The following GLI3 variants were observed in gnomAD, a reference collection of about 807,000 sequenced individuals.
GLI3 encodes GLI family zinc finger 3.
In GLI3, 20 loss-of-function variants were observed where a neutral mutation model predicts 100.8. The observed-to-expected ratio is 0.20, with a 90% CI of 0.14 to 0.29. The LOEUF is 0.29. Among genes scored for constraint, GLI3 ranks in the 10% least tolerant of loss-of-function variants. The pLI is 1.00. For missense variants in GLI3, 2,040 were observed against 2,128.5 expected (o/e 0.96, Z 0.82); for synonymous variants, 938 against 860.5 (o/e 1.09, Z -1.58).
At chr7:42,257,635 T>C (rs7795866) in intron 1 of GLI3, among the ~76,000 whole-genome samples, 22,323 of 152,090 alleles carry the variant, frequency 0.15, 2,996 homozygotes, top group African/African-American at 0.36. Context: ...TGAGCCACCG[T>C]GCACGTCCCA....
At chr7:42,059,604 C>CT (rs1784528100) in intron 4 of GLI3, among the ~76,000 whole-genome samples, 1 of 152,186 alleles carries the variant, frequency 6.6e-6, no homozygotes, top group South Asian at 2.1e-4. Flanking sequence ...AAACAGCTGT[C>CT]GCTGTCAAAA....
chr7:42,025,669 T>C (rs1789091611), intron 8 of GLI3, among the ~76,000 whole-genome samples: 1 of 152,142 alleles, frequency 6.6e-6, no homozygotes, highest in South Asian at 2.1e-4. Context: ...TCCAACAGGG[T>C]ATTTCAAAAG....
upstream of GLI3, among the ~76,000 whole-genome samples, chr7:42,238,021 T>TCCTTCTCCTCCTCCTCCTCCTCCTCCG (rs1788864465): frequency 7.6e-6 from 1 of 131,248 alleles, no homozygotes; most frequent in East Asian, 2.1e-4. Flanking sequence ...CTCCTCCTCC[T>TCCTTCTCCTCCTCCTCCTCCTCCTCCG]CCTTCTCCTC....
At position 42,026,206 on chromosome 7, in the gene GLI3, G is replaced by A. The variant is rs913141140; in HGVS notation, c.1235C>T (p.Ser412Phe). 2.5e-6 allele frequency: 4 copies of A among 1,611,300 alleles called. No individual in the cohort carries two copies. The highest frequency in any genetic ancestry group is 2.5e-6 in the Non-Finnish European group (3 of 1,178,304). The stretch of plus-strand genomic sequence containing the variant: ...TCGACCTGTCCCTCTCACCTGTGAG[G>A]ACTCAGAAGGGCCGGAGCTGACCTG... ...PVQVSSGPSESSQNKPTSESA... is the reference protein window; with the variant it reads ...PVQVSSGPSEFSQNKPTSESA... The change falls in exon 8 of 15, where the codon TCC (serine) becomes TTC (phenylalanine). Residue 412 changes from serine to phenylalanine, a missense_variant. This residue lies in a region of GLI3 where 603 missense variants were observed against 690.9 expected (regional missense o/e 0.87). Coordinates refer to ENST00000395925, the MANE Select transcript of GLI3 (RefSeq NM_000168.6).
At chr7:42,240,296 A>T (rs893810738), upstream of GLI3, among the ~76,000 whole-genome samples, 2 of 152,234 alleles carry the variant, frequency 1.3e-5, no homozygotes, top group Non-Finnish European at 1.5e-5. Flanking sequence ...TTTAAGACAG[A>T]CTTTCTTTCT....
At chr7:42,011,171 G>T (rs1297857491) in intron 10 of GLI3, among the ~76,000 whole-genome samples, 1 of 152,182 alleles carries the variant, frequency 6.6e-6, no homozygotes, top group Non-Finnish European at 1.5e-5. Flanking sequence ...GCTGGGTAAT[G>T]CCTGTGTACC....
chr7:42,260,425 CA>C, intron 1 of GLI3, among the ~76,000 whole-genome samples: 1 of 152,160 alleles, frequency 6.6e-6, no homozygotes, highest in South Asian at 2.1e-4. Flanking sequence ...GACCATAACA[CA>C]TATGAAAGGT....
rs951729224 is a variant in GLI3 at position 42,204,392 on chromosome 7, C to T, written c.124+18738G>A. Among the ~76,000 whole-genome samples, 3 of 152,160 alleles carry T rather than the reference C, an allele frequency of 2.0e-5. No individual in the cohort carries two copies. In the East Asian group the frequency reaches 5.8e-4, roughly 29 times the overall value. ...CACTCCTGTCTTCCCCCTGCCATCACTATTGACATGTGAAGGATTTAACTC... is the reference window on the plus strand; with the variant it reads ...CACTCCTGTCTTCCCCCTGCCATCATTATTGACATGTGAAGGATTTAACTC... On this transcript the variant is annotated intron_variant, in intron 2 of 14. Coordinates refer to ENST00000395925, the MANE Select transcript of GLI3 (RefSeq NM_000168.6).
intron 7 of GLI3, among the ~76,000 whole-genome samples, chr7:42,030,330 G>T (rs1789250799): frequency 6.6e-6 from 1 of 152,160 alleles, no homozygotes; most frequent in Admixed American, 6.5e-5. Flanking sequence ...ACCTGCAAAA[G>T]TCGTTCTGGC....
chr7:41,988,478 G>C (rs1326567714), intron 10 of GLI3, among the ~76,000 whole-genome samples: 3 of 127,118 alleles, frequency 2.4e-5, no homozygotes, highest in South Asian at 5.9e-4. Flanking sequence ...AAAAAAAGGG[G>C]GGGGGGGTGG....
At chr7:42,162,135 A>G (rs1787143190) in intron 2 of GLI3, among the ~76,000 whole-genome samples, 1 of 152,246 alleles carries the variant, frequency 6.6e-6, no homozygotes, top group African/African-American at 2.4e-5. Context: ...CAGGGTAAGC[A>G]GTAATGTAAA....
At chr7:42,128,630 T>A (rs1168349185) in intron 3 of GLI3, among the ~76,000 whole-genome samples, 3 of 152,090 alleles carry the variant, frequency 2.0e-5, no homozygotes, top group Non-Finnish European at 2.9e-5. Flanking sequence ...GTAAGAAAGT[T>A]ATAAAGAAGG....
upstream of GLI3, among the ~76,000 whole-genome samples, chr7:42,238,462 C>T (rs998509910): frequency 7.9e-5 from 12 of 152,314 alleles, no homozygotes; most frequent in Middle Eastern, 3.4e-3. Flanking sequence ...TTCTCTCCAC[C>T]GGACTCGTCT....
intron 2 of GLI3, among the ~76,000 whole-genome samples, chr7:42,156,318 C>A (rs1022257944): frequency 3.3e-5 from 5 of 152,122 alleles, no homozygotes; most frequent in Non-Finnish European, 2.9e-5. Context: ...AGTTGCCAGT[C>A]GCTGCTTACA....
chr7:42,091,907 C>G (rs931052781), intron 3 of GLI3, among the ~76,000 whole-genome samples: 6 of 152,208 alleles, frequency 3.9e-5, no homozygotes, highest in Non-Finnish European at 8.8e-5. Flanking sequence ...TACCTTCTAC[C>G]GCAGAGTCAA....
At chr7:42,132,366 CT>C (rs1786311527) in intron 3 of GLI3, among the ~76,000 whole-genome samples, 1 of 152,160 alleles carries the variant, frequency 6.6e-6, no homozygotes, top group Non-Finnish European at 1.5e-5. Context: ...TCCCAAAGTG[CT>C]GGGATTACAG....
intron 4 of GLI3, among the ~76,000 whole-genome samples, chr7:42,067,676 G>C (rs993337866): frequency 6.6e-6 from 1 of 152,036 alleles, no homozygotes; most frequent in African/African-American, 2.4e-5. Flanking sequence ...TGGCTACCTA[G>C]GCCATACTAG....
intron 3 of GLI3, among the ~76,000 whole-genome samples, chr7:42,138,962 T>A (rs757736019): frequency 1.3e-5 from 2 of 152,218 alleles, no homozygotes; most frequent in African/African-American, 2.4e-5. Context: ...TGAGACTCTT[T>A]CAGTCCTGGC....
chr7:42,216,269 C>T (rs1012435653), intron 2 of GLI3, among the ~76,000 whole-genome samples: 2 of 152,034 alleles, frequency 1.3e-5, no homozygotes, highest in Non-Finnish European at 2.9e-5. Context: ...GAGCAGGGAG[C>T]GGGTAAGGTA....
Sources: gnomAD v4.1 joint callset for allele counts (sites outside exome capture counted in the v4.1 genomes callset) on GRCh38, gnomAD v4.1.1 for gene constraint, gnomAD v4.1.1 regional missense constraint, MANE v1.5 for transcripts, NCBI Gene and HGNC (gene_info 2026-07-23, HGNC 2026-07-21) for gene names.